SVOP: variants seen among roughly 807,000 people sequenced by gnomAD.
SVOP encodes the protein synaptic vesicle 2-related protein.
SVOP carries 17 observed loss-of-function variants against 69.1 expected under a neutral mutation model. That is an observed-to-expected ratio of 0.25 (90% CI 0.17 to 0.37). SVOP has a LOEUF of 0.37. Ranked by LOEUF, SVOP falls within the 10% of genes least tolerant of loss-of-function variation. The probability of loss-of-function intolerance (pLI) is 1.00; values close to 1 mark genes in which losing one functional copy is unlikely to be tolerated. For missense variants in SVOP, 435 were observed against 597.5 expected (o/e 0.73, Z 2.84); for synonymous variants, 238 against 238.6 (o/e 1.00, Z 0.02).
intron 13 of SVOP, among the ~76,000 whole-genome samples, chr12:108,918,620 A>C (rs979315780): frequency 2.6e-5 from 4 of 152,210 alleles, no homozygotes; most frequent in Non-Finnish European, 4.4e-5. Flanking sequence ...CAGATTCCTC[A>C]CTAGGTGTGG....
At chr12:108,963,388 C>T (rs2040027470) in intron 5 of SVOP, among the ~76,000 whole-genome samples, 1 of 152,204 alleles carries the variant, frequency 6.6e-6, no homozygotes, top group Admixed American at 6.5e-5. Context: ...CATCACCTCA[C>T]AAGAAAGTTA....
At chr12:108,942,081 G>A (rs1566053172) in intron 7 of SVOP, among the ~76,000 whole-genome samples, 1 of 152,190 alleles carries the variant, frequency 6.6e-6, no homozygotes, top group Non-Finnish European at 1.5e-5. Context: ...CCTCATATAA[G>A]TGGAATCATA....
At chr12:108,994,194 T>C (rs1392906509) in intron 1 of SVOP, among the ~76,000 whole-genome samples, 2 of 152,202 alleles carry the variant, frequency 1.3e-5, no homozygotes, top group African/African-American at 2.4e-5. Flanking sequence ...CTTACGATAC[T>C]GATCTTGGCT....
At chr12:108,960,643 A>G (rs1230701775) in intron 6 of SVOP, among the ~76,000 whole-genome samples, 1 of 152,226 alleles carries the variant, frequency 6.6e-6, no homozygotes, top group Non-Finnish European at 1.5e-5. Flanking sequence ...GGCTGCTGCA[A>G]TGCGTCCAAG....
intron 13 of SVOP, among the ~76,000 whole-genome samples, chr12:108,918,875 T>C (rs1239559834): frequency 6.6e-6 from 1 of 152,144 alleles, no homozygotes; most frequent in Non-Finnish European, 1.5e-5. Context: ...AGTTCTCCCC[T>C]GACTACAACC....
intron 5 of SVOP, among the ~76,000 whole-genome samples, chr12:108,969,155 C>A (rs1033611680): frequency 6.6e-6 from 1 of 152,148 alleles, no homozygotes; most frequent in Non-Finnish European, 1.5e-5. Context: ...CTTTACAGTT[C>A]TTTTAACGGC....
intron 5 of SVOP, among the ~76,000 whole-genome samples, chr12:108,970,778 G>A (rs1012433973): frequency 6.6e-6 from 1 of 152,176 alleles, no homozygotes; most frequent in Non-Finnish European, 1.5e-5. Flanking sequence ...ACTTTGGGAG[G>A]CTGAGGTGGG....
At chr12:109,019,418 A>T (rs2135637865) in intron 1 of SVOP, among the ~76,000 whole-genome samples, 1 of 152,334 alleles carries the variant, frequency 6.6e-6, no homozygotes, top group East Asian at 1.9e-4. Flanking sequence ...CTCTGACATT[A>T]TTGAAAAATT....
chr12:109,020,128 C>T (rs946975094), intron 1 of SVOP, among the ~76,000 whole-genome samples: 5 of 152,142 alleles, frequency 3.3e-5, no homozygotes, highest in Admixed American at 1.3e-4. Context: ...CCTGTCCTTT[C>T]GGTTGCTTGA....
intron 15 of SVOP, 26 bp from the exon 16 acceptor site, chr12:108,912,767 G>A: frequency 7.5e-6 from 12 of 1,604,952 alleles, no homozygotes; most frequent in Non-Finnish European, 1.0e-5. Flanking sequence ...ACGGGTCGGT[G>A]AAAGCATCCC....
chr12:108,958,832 GC>G, intron 6 of SVOP, among the ~76,000 whole-genome samples: 1 of 151,836 alleles, frequency 6.6e-6, no homozygotes, highest in East Asian at 1.9e-4. Flanking sequence ...AAAAGGCCTA[GC>G]CCCCCCGCCC....
intron 4 of SVOP, 32 bp downstream of exon 4, chr12:108,977,366 A>G: frequency 4.6e-6 from 7 of 1,536,016 alleles, no homozygotes; most frequent in Non-Finnish European, 6.1e-6. Context: ...GCAGAACTGT[A>G]TGCAACAGAA....
At chr12:108,957,496 T>G (rs1231406105) in intron 6 of SVOP, among the ~76,000 whole-genome samples, 1 of 152,118 alleles carries the variant, frequency 6.6e-6, no homozygotes, top group East Asian at 1.9e-4. Flanking sequence ...TGCTACCCAG[T>G]AACTTTGGGC....
chr12:109,011,812 A>C (rs1331122236), intron 1 of SVOP, among the ~76,000 whole-genome samples: 1 of 152,202 alleles, frequency 6.6e-6, no homozygotes, highest in Non-Finnish European at 1.5e-5. Context: ...AACATGAACG[A>C]ACCTGGAGGA....
intron 1 of SVOP, among the ~76,000 whole-genome samples, chr12:108,991,808 T>C (rs1440327696): frequency 1.3e-5 from 2 of 149,210 alleles, no homozygotes; most frequent in Non-Finnish European, 1.5e-5. Context: ...TAGCCAGGCA[T>C]GGTAGCACAT....
intron 1 of SVOP, among the ~76,000 whole-genome samples, chr12:108,987,487 T>C (rs2040172004): frequency 6.6e-6 from 1 of 152,210 alleles, no homozygotes; most frequent in Non-Finnish European, 1.5e-5. Flanking sequence ...ATGAAAGGGT[T>C]ATTCTATGTT....
At chr12:108,919,305 A>G (rs1593176421) in intron 13 of SVOP, among the ~76,000 whole-genome samples, 1 of 121,736 alleles carries the variant, frequency 8.2e-6, no homozygotes, top group African/African-American at 2.9e-5. Flanking sequence ...TTGGGCCAAT[A>G]CCCACACCTG....
chr12:108,991,603 G>T (rs1488458466), intron 1 of SVOP, among the ~76,000 whole-genome samples: 4 of 151,882 alleles, frequency 2.6e-5, no homozygotes, highest in Non-Finnish European at 5.9e-5. Flanking sequence ...TTATAGGCAT[G>T]TGCCACCACG....
chr12:108,972,631 C>T (rs138886182), intron 4 of SVOP, among the ~76,000 whole-genome samples, 155 bp from the exon 5 acceptor site: 102,033 of 152,190 alleles, frequency 0.67, 34,713 homozygotes, highest in East Asian at 0.79. Context: ...AAGTGCTTCC[C>T]GCAAGCTTCC....
Sources: gnomAD v4.1 joint callset for allele counts (sites outside exome capture counted in the v4.1 genomes callset) on GRCh38, gnomAD v4.1.1 for gene constraint, MANE v1.5 for transcripts, NCBI Gene and HGNC (gene_info 2026-07-23, HGNC 2026-07-21) for gene names.